NUP35: variants seen among roughly 807,000 people sequenced by gnomAD.
The protein encoded by NUP35 is nucleoporin 35, also known as nucleoporin NUP35.
In NUP35, 25 loss-of-function variants were observed where a neutral mutation model predicts 41.5. The observed-to-expected ratio is 0.60, with a 90% CI of 0.44 to 0.84. The LOEUF (loss-of-function observed/expected upper bound fraction) is 0.84. Among genes scored for constraint, NUP35 ranks in the 40% least tolerant of loss-of-function variants. The pLI, the probability that NUP35 is intolerant of heterozygous loss-of-function variation, is 0.00. For synonymous variants in NUP35, 149 were observed against 130.7 expected (o/e 1.14, Z -0.96); for missense variants, 396 against 396.6 (o/e 1.00, Z 0.01).
Position 183,150,055 on chromosome 2 carries a change from C to T in NUP35, c.398-1453C>T, listed in dbSNP as rs1161214193. On this transcript the variant is annotated intron_variant, in intron 4 of 8. Transcript: ENST00000295119. ...GAGAGGAGCTGGGATTACAGGCATG[C>T]ACCACCACACCTGGCTAATTTTTGT... 2.0e-5 allele frequency among the ~76,000 whole-genome samples: 3 copies of T among 151,982 alleles called. No individual in the cohort carries two copies. The East Asian group carries it at 5.8e-4, about 29-fold the overall frequency.
chr2:183,155,684 ACCTCAG>A (rs1171869847), intron 5 of NUP35, among the ~76,000 whole-genome samples: 2 of 149,804 alleles, frequency 1.3e-5, no homozygotes, highest in Non-Finnish European at 3.0e-5. Flanking sequence ...CAATCCTTCT[ACCTCAG>A]CCTCATGAGT....
chr2:183,117,952 T>C (rs904095494), intron 1 of NUP35, among the ~76,000 whole-genome samples: 1 of 152,194 alleles, frequency 6.6e-6, no homozygotes, highest in African/African-American at 2.4e-5. Context: ...TCTGTAGCCC[T>C]AGGTACTCCA....
At chr2:183,141,527 A>G (rs1685097590) in intron 4 of NUP35, among the ~76,000 whole-genome samples, 1 of 152,202 alleles carries the variant, frequency 6.6e-6, no homozygotes, top group South Asian at 2.1e-4. Context: ...AGTTACATCT[A>G]ACTTTATTCC....
At chr2:183,151,938 TA>T (rs898127680) in intron 5 of NUP35, among the ~76,000 whole-genome samples, 6 of 152,186 alleles carry the variant, frequency 3.9e-5, no homozygotes, top group African/African-American at 9.7e-5. Context: ...TGTAGTTTTT[TA>T]AATCATTTGT....
intron 4 of NUP35, among the ~76,000 whole-genome samples, chr2:183,141,359 G>A (rs929447538): frequency 2.0e-5 from 3 of 152,162 alleles, no homozygotes; most frequent in Non-Finnish European, 4.4e-5. Context: ...GATAGCATTT[G>A]CAGATTTCAG....
At chr2:183,148,563 T>A (rs35672629) in intron 4 of NUP35, among the ~76,000 whole-genome samples, 26,916 of 152,132 alleles carry the variant, frequency 0.18, 2,980 homozygotes, top group African/African-American at 0.31. Flanking sequence ...TGTTGAGCAT[T>A]TTTTCATATA....
chr2:183,126,345 A>G (rs1006946870), intron 1 of NUP35, among the ~76,000 whole-genome samples: 1 of 152,222 alleles, frequency 6.6e-6, no homozygotes, highest in Non-Finnish European at 1.5e-5. Flanking sequence ...ATCCAGATAC[A>G]TCAGAACTTT....
chr2:183,150,210 A>G (rs71427877), intron 4 of NUP35, among the ~76,000 whole-genome samples: 35,230 of 152,148 alleles, frequency 0.23, 4,394 homozygotes, highest in African/African-American at 0.32. Context: ...GGCCCTTAAA[A>G]TGCTACCTTT....
chr2:183,126,681 T>A (rs567867978), intron 1 of NUP35, among the ~76,000 whole-genome samples: 1 of 151,986 alleles, frequency 6.6e-6, no homozygotes, highest in East Asian at 1.9e-4. Flanking sequence ...ATTGTTAATA[T>A]CTAGGCCTAA....
chr2:183,127,569 AATG>A (rs1559141557), intron 1 of NUP35, among the ~76,000 whole-genome samples: 2 of 152,222 alleles, frequency 1.3e-5, no homozygotes, highest in Non-Finnish European at 2.9e-5. Flanking sequence ...TTATCACAAT[AATG>A]ATGAACTTTT....
At chr2:183,160,776 T>A (rs1559158985) in intron 8 of NUP35, 1 of 201,462 alleles carries the variant, frequency 5.0e-6, no homozygotes, top group Non-Finnish European at 1.0e-5. Flanking sequence ...AAGTCCATAT[T>A]TTAATTTTAA....
rs1322816281 is a variant in NUP35, at chr2:183,128,358, T to A, written c.112T>A (p.Phe38Ile). The A allele has an allele frequency of 1.2e-6, 2 of 1,614,036 alleles. No individual in the cohort carries two copies. Among genetic ancestry groups the A allele is most frequent in the African/African-American group, 2.7e-5 (2 of 74,914 alleles). Residue 38 changes from phenylalanine to isoleucine, a missense_variant, in exon 2 of 9, where the codon TTT becomes ATT. Transcript: ENST00000295119. ...PGVNAQFLPG[F>I]LMGDLPAPVT... is the part of the protein sequence containing the mutation. ...AGTTAATGCCCAGTTCTTACCTGGA[T>A]TTTTAATGGGGGATTTGCCAGCTCC...
intron 4 of NUP35, among the ~76,000 whole-genome samples, chr2:183,137,277 A>T (rs1480665722): frequency 6.6e-6 from 1 of 152,188 alleles, no homozygotes; most frequent in Non-Finnish European, 1.5e-5. Context: ...GCTTTGTTAC[A>T]CGCAGAAATA....
rs1684509704 is a variant in NUP35, at chr2:183,126,895, A to G, written c.41-1392A>G. On this transcript the variant is annotated intron_variant, in intron 1 of 8. Coordinates refer to ENST00000295119, the MANE Select transcript of NUP35 (RefSeq NM_138285.5). ...ATTATTTTCATAAGCAGAGATTGCA[A>G]ATTCTACATTTATACTTTACTCAGT... is the stretch of plus-strand genomic sequence containing the variant. Among the ~76,000 whole-genome samples, 3 of 152,184 alleles carry G rather than the reference A, an allele frequency of 2.0e-5. No homozygotes were observed. In the South Asian group the frequency reaches 6.2e-4, roughly 31 times the overall value.
At chr2:183,126,642 GT>G (rs71008267) in intron 1 of NUP35, among the ~76,000 whole-genome samples, 60,396 of 145,724 alleles carry the variant, frequency 0.41, 13,717 homozygotes, top group African/African-American at 0.64. Context: ...TATTGAATTT[GT>G]TTTTTTTTTT....
chr2:183,137,084 T>C (rs1003894983), intron 4 of NUP35, among the ~76,000 whole-genome samples: 6 of 151,894 alleles, frequency 4.0e-5, no homozygotes. Flanking sequence ...AGCGAGACTT[T>C]GTCTCCAAAA....
intron 5 of NUP35, among the ~76,000 whole-genome samples, 200 bp downstream of exon 5, chr2:183,151,849 CATA>C (rs1248204280): frequency 1.3e-5 from 2 of 152,148 alleles, no homozygotes; most frequent in African/African-American, 2.4e-5. Context: ...TGGTACATTT[CATA>C]ATAAGTTGTA....
chr2:183,124,362 C>A (rs543139436), upstream of NUP35: 13 of 1,606,448 alleles, frequency 8.1e-6, no homozygotes, highest in South Asian at 7.7e-5. Context: ...GTTACGCAAC[C>A]CCATAAGGTA....
intron 1 of NUP35, among the ~76,000 whole-genome samples, chr2:183,127,648 A>G (rs1177065637): frequency 6.6e-6 from 1 of 152,226 alleles, no homozygotes; most frequent in Non-Finnish European, 1.5e-5. Context: ...TAAGCTTTGT[A>G]TGTATAAGTA....
Sources: allele counts gnomAD v4.1 joint callset (sites outside exome capture counted in the v4.1 genomes callset), GRCh38; gene constraint gnomAD v4.1.1; transcripts MANE v1.5; gene names NCBI Gene and HGNC (gene_info 2026-07-23, HGNC 2026-07-21).